The following RAB4B variants were observed in gnomAD, a reference collection of about 807,000 sequenced individuals.
RAB4B encodes RAB4B, member RAS oncogene family.
Under a neutral mutation model 28.3 loss-of-function variants are expected in RAB4B, and 15 were observed. The observed-to-expected ratio is 0.53, with a 90% CI of 0.35 to 0.82. The LOEUF (loss-of-function observed/expected upper bound fraction) is 0.82, where lower values mean the gene tolerates loss of function less well. RAB4B is among the 40% of genes least tolerant of loss of function. RAB4B has a pLI of 0.01. For missense variants in RAB4B, 244 were observed against 288.5 expected, an observed-to-expected ratio of 0.85 and a Z score of 1.12; for synonymous variants, 108 against 116.3, an observed-to-expected ratio of 0.93 and a Z score of 0.46.
chr19:40,793,734 A>C (rs1235546472), intron 7 of RAB4B, among the ~76,000 whole-genome samples: 1 of 151,008 alleles, frequency 6.6e-6, no homozygotes, highest in African/African-American at 2.4e-5. Context: ...GACCAGGGTG[A>C]CCAACATGGT....
chr19:40,778,437 A>G, intron 1 of RAB4B, 46 bp downstream of exon 1: 1 of 1,412,336 alleles, frequency 7.1e-7, no homozygotes. Flanking sequence ...GGGCCCAGGG[A>G]GGATGCGGCC....
chr19:40,793,722 G>A (rs1439013099), intron 7 of RAB4B, among the ~76,000 whole-genome samples: 1 of 150,054 alleles, frequency 6.7e-6, no homozygotes, highest in African/African-American at 2.4e-5. Context: ...TCAGGAGTTC[G>A]AGACCAGGGT....
intron 3 of RAB4B, among the ~76,000 whole-genome samples, chr19:40,782,067 C>T (rs2083054470): frequency 6.8e-6 from 1 of 147,158 alleles, no homozygotes; most frequent in African/African-American, 2.5e-5. Context: ...AAACAGAGAG[C>T]AGGGAGAGAA....
chr19:40,794,690 G>C (rs1320781132), intron 7 of RAB4B: 1 of 151,880 alleles, frequency 6.6e-6, no homozygotes, highest in Non-Finnish European at 1.5e-5. Context: ...AAAAGATACT[G>C]ATGCCCAGGC....
In RAB4B at chr19:40,786,579, G is replaced by A. The variant is rs112293750; in HGVS notation, c.431-86G>A. 2,872 of 1,573,856 alleles carry A rather than the reference G, an allele frequency of 1.8e-3. 54 individuals are homozygous for A. In the African/African-American group the frequency reaches 0.033, roughly 18 times the overall value. The stretch of plus-strand genomic sequence containing the variant: ...GGGTAAGGGGGGATGGAACATTGGA[G>A]GAACAGGATGAGAGTCAGCAGGTGA... On this transcript the variant is annotated intron_variant, in intron 5 of 7. Coordinates refer to ENST00000357052, the MANE Select transcript of RAB4B (RefSeq NM_016154.5).
intron 1 of RAB4B, 71 bp downstream of exon 1, chr19:40,778,462 G>C: frequency 1.5e-6 from 2 of 1,366,238 alleles, no homozygotes; most frequent in Non-Finnish European, 1.9e-6. Context: ...GGAATGGGCG[G>C]GGCTTTGTAG....
At chr19:40,779,747 A>G (rs2083029318) in intron 1 of RAB4B, 1 of 748,378 alleles carries the variant, frequency 1.3e-6, no homozygotes, top group African/African-American at 1.8e-5. Flanking sequence ...TCTGTCTCAA[A>G]AAAACAAAAA....
At chr19:40,794,750 G>C (rs1056725318) in intron 7 of RAB4B, 7 of 145,936 alleles carry the variant, frequency 4.8e-5, no homozygotes, top group Non-Finnish European at 1.1e-4. Flanking sequence ...TTAATTAAAA[G>C]ATAAATAGAG....
chr19:40,788,712 G>A (rs1184276990), intron 7 of RAB4B, among the ~76,000 whole-genome samples: 5 of 149,954 alleles, frequency 3.3e-5, no homozygotes. Flanking sequence ...TCAGCCTCCC[G>A]AGTAGCTGAG....
chr19:40,796,276 C>G (rs1426670709), intron 7 of RAB4B: 1 of 152,322 alleles, frequency 6.6e-6, no homozygotes, highest in Non-Finnish European at 1.5e-5. Flanking sequence ...GCTGGGATTA[C>G]AGGCGTGAGC....
chr19:40,783,147 C>CAAAAAAAAA (rs1168587843), intron 3 of RAB4B, among the ~76,000 whole-genome samples: 16 of 35,652 alleles, frequency 4.5e-4, no homozygotes, highest in African/African-American at 5.4e-4. Flanking sequence ...GATTCCTACT[C>CAAAAAAAAA]AAAAAAAAAA....
At chr19:40,784,105 G>C (rs2083076399) in intron 5 of RAB4B, 30 bp downstream of exon 5, 1 of 1,584,522 alleles carries the variant, frequency 6.3e-7, no homozygotes, top group Non-Finnish European at 8.6e-7. Flanking sequence ...CCAGGTGGTG[G>C]TGGGGGTGGA....
At chr19:40,793,572 G>GTTTTTTTTTTTTTTTTT (rs373163247) in intron 7 of RAB4B, among the ~76,000 whole-genome samples, 1 of 125,412 alleles carries the variant, frequency 8.0e-6, no homozygotes, top group Non-Finnish European at 1.6e-5. Context: ...TTTCTTTTTT[G>GTTTTTTTTTTTTTTTTT]TTTTTTTTTT....
chr19:40,791,398 A>C (rs2545758), intron 7 of RAB4B, among the ~76,000 whole-genome samples: 118,915 of 151,558 alleles, frequency 0.78, 47,068 homozygotes, highest in African/African-American at 0.88. Context: ...CAGGACACAA[A>C]TGAACTCCTC....
In RAB4B at chr19:40,778,315, A is replaced by C. The variant is rs2083014289; in HGVS notation, c.-61A>C. Reference sequence around the variant, plus strand: ...CTGTAGCCGGAGTGGAGCGGCTGCCAGCCGAGGAGCAGGCGCGGCCGCGGC... The same window carrying C: ...CTGTAGCCGGAGTGGAGCGGCTGCCCGCCGAGGAGCAGGCGCGGCCGCGGC... On this transcript the variant is annotated 5_prime_UTR_variant, in exon 1 of 8. Coordinates refer to ENST00000357052, the MANE Select transcript of RAB4B (RefSeq NM_016154.5). 1.4e-6 allele frequency: 2 copies of C among 1,472,178 alleles called. No individual in the cohort carries two copies. Among genetic ancestry groups the C allele is most frequent in the African/African-American group, 1.5e-5 (1 of 68,710 alleles). 91.2% of individuals were successfully genotyped at this position (1,472,178 alleles called of 1,614,324 possible). A position where few individuals can be genotyped will look rare whatever the true frequency, so the allele number is the denominator to read the frequency against.
chr19:40,783,943 G>A lies in RAB4B; in HGVS notation c.298G>A (p.Ala100Thr). 6.2e-7 allele frequency: 1 copy of A among 1,611,998 alleles called. No individual in the cohort carries two copies. The highest frequency in any genetic ancestry group is 8.5e-7 in the Non-Finnish European group (1 of 1,178,488). The change falls in exon 5 of 8, where the codon GCT (alanine) becomes ACT (threonine). Residue 100 changes from alanine to threonine, a missense_variant. Coordinates refer to ENST00000357052, the MANE Select transcript of RAB4B (RefSeq NM_016154.5). ...ITSRETYNSL[A>T]AWLTDARTLA... ...CAGCCGGGAGACATACAACTCACTG[G>A]CTGCCTGGCTGACGGATGCCCGCAC...
chr19:40,789,858 TGAAG>T (rs1282568410), intron 7 of RAB4B, among the ~76,000 whole-genome samples: 18 of 151,842 alleles, frequency 1.2e-4, no homozygotes, highest in Admixed American at 2.0e-4. Context: ...GACATTTGAG[TGAAG>T]GAAGGGAGAT....
chr19:40,788,990 C>T (rs1464433822), intron 7 of RAB4B, among the ~76,000 whole-genome samples: 1 of 151,696 alleles, frequency 6.6e-6, no homozygotes, highest in Non-Finnish European at 1.5e-5. Context: ...CCATATTGGC[C>T]AGGCTGGTCT....
Position 40,786,919 on chromosome 19 carries a change from C to A in RAB4B, c.598C>A (p.Pro200Thr). Residue 200 changes from proline to threonine, a missense_variant, in exon 7 of 8, where the codon CCT (proline) becomes ACT (threonine). Physicochemically the swap from Pro to Thr is conservative, Grantham distance 38. Transcript: ENST00000357052. The part of the protein sequence containing the change: ...GDASLRQLRQ[P>T]RSAQAVAPQP... ...TGCGTCCCTCCGCCAGCTTCGGCAG[C>A]CTCGGAGTGCCCAGGCCGTGGCCCC... 1 of 1,614,066 alleles carries A rather than the reference C, an allele frequency of 6.2e-7. No individual in the cohort carries two copies. The highest frequency in any genetic ancestry group is 8.5e-7 in the Non-Finnish European group (1 of 1,179,978).
Sources: gnomAD v4.1 joint callset for allele counts (sites outside exome capture counted in the v4.1 genomes callset) on GRCh38, gnomAD v4.1.1 for gene constraint, MANE v1.5 for transcripts, NCBI Gene and HGNC (gene_info 2026-07-23, HGNC 2026-07-21) for gene names.